Variants in DLGAP2 observed in about 807,000 individuals in gnomAD.
The protein encoded by DLGAP2 is DLG associated protein 2, also known as disks large-associated protein 2.
A neutral mutation model predicts 100.3 loss-of-function variants in DLGAP2; 26 were observed. The ratio of observed to expected loss-of-function variants is 0.26; its 90% CI spans 0.19 to 0.36. The LOEUF (loss-of-function observed/expected upper bound fraction) is 0.36. Among genes scored for constraint, DLGAP2 ranks in the 10% least tolerant of loss-of-function variants. The probability of loss-of-function intolerance (pLI) is 1.00; values close to 1 mark genes in which losing one functional copy is unlikely to be tolerated. For synonymous variants in DLGAP2, 886 were observed against 630.1 expected (o/e 1.41, Z -6.08); for missense variants, 1,858 against 1,453.2 (o/e 1.28, Z -4.53).
intron 3 of DLGAP2, among the ~76,000 whole-genome samples, chr8:1,323,769 C>G (rs939254319): frequency 1.3e-5 from 2 of 152,182 alleles, no homozygotes; most frequent in Non-Finnish European, 2.9e-5. Context: ...CCCAGGACAC[C>G]TTTTTATTTG....
At chr8:1,207,661 T>G (rs982132943) in intron 2 of DLGAP2, among the ~76,000 whole-genome samples, 8 of 152,242 alleles carry the variant, frequency 5.3e-5, no homozygotes, top group African/African-American at 1.9e-4. Context: ...CCGTAGTGGT[T>G]GTACTAGTTT....
intron 3 of DLGAP2, among the ~76,000 whole-genome samples, chr8:1,288,291 CGT>C (rs1227814634): frequency 1.4e-4 from 9 of 63,748 alleles, no homozygotes; most frequent in South Asian, 6.9e-4. Context: ...TTTGGTTCAG[CGT>C]GTGTGTGTGT....
intron 2 of DLGAP2, among the ~76,000 whole-genome samples, chr8:1,029,487 G>C (rs536015123): frequency 6.6e-6 from 1 of 152,222 alleles, no homozygotes; most frequent in South Asian, 2.1e-4. Flanking sequence ...GAGAGGTTCT[G>C]GGGGGATGGC....
intron 2 of DLGAP2, among the ~76,000 whole-genome samples, chr8:1,039,475 G>A (rs576963706): frequency 2.6e-4 from 38 of 145,138 alleles, no homozygotes; most frequent in African/African-American, 8.2e-4. Flanking sequence ...TGTTCAGCTC[G>A]GTTTCCGTGG....
chr8:1,121,516 A>G (rs1796047445), intron 2 of DLGAP2, among the ~76,000 whole-genome samples: 1 of 150,720 alleles, frequency 6.6e-6, no homozygotes, highest in South Asian at 2.1e-4. Context: ...TCCAGAATCC[A>G]TTACCACCTA....
chr8:937,092 C>T (rs1234022609), intron 2 of DLGAP2, among the ~76,000 whole-genome samples: 2 of 152,134 alleles, frequency 1.3e-5, no homozygotes, highest in Non-Finnish European at 2.9e-5. Flanking sequence ...CATGTGGTGC[C>T]CTTCAGCCAT....
intron 1 of DLGAP2, among the ~76,000 whole-genome samples, chr8:884,436 T>C (rs1196271323): frequency 6.6e-6 from 1 of 152,218 alleles, no homozygotes; most frequent in Non-Finnish European, 1.5e-5. Context: ...GTAAATGTCT[T>C]CTTTTGAGAA....
At chr8:900,400 T>G (rs560972704) in intron 1 of DLGAP2, among the ~76,000 whole-genome samples, 7 of 152,310 alleles carry the variant, frequency 4.6e-5, no homozygotes, top group Non-Finnish European at 1.0e-4. Flanking sequence ...CGCCCTCCTC[T>G]TCACGGTGTT....
At chr8:1,074,262 G>A (rs1486751395) in intron 2 of DLGAP2, among the ~76,000 whole-genome samples, 2 of 150,700 alleles carry the variant, frequency 1.3e-5, no homozygotes, top group Non-Finnish European at 2.9e-5. Flanking sequence ...GTTTGCAGCA[G>A]ACTGAGGCTG....
intron 2 of DLGAP2, among the ~76,000 whole-genome samples, chr8:971,146 C>G (rs1466554140): frequency 6.6e-6 from 1 of 152,092 alleles, no homozygotes; most frequent in Non-Finnish European, 1.5e-5. Context: ...TTCGAGGACA[C>G]CATCCGGAAA....
chr8:1,366,779 G>A (rs895166224), intron 3 of DLGAP2, among the ~76,000 whole-genome samples: 4 of 152,314 alleles, frequency 2.6e-5, no homozygotes, highest in East Asian at 1.9e-4. Flanking sequence ...TCGGGTCCCC[G>A]CAGCACGTTT....
chr8:1,426,759 A>C (rs1305680756), intron 3 of DLGAP2, among the ~76,000 whole-genome samples: 1 of 152,234 alleles, frequency 6.6e-6, no homozygotes, highest in Non-Finnish European at 1.5e-5. Context: ...TATGGCTTCC[A>C]CGTCTTGAAG....
At chr8:954,493 T>G (rs1469186676) in intron 2 of DLGAP2, among the ~76,000 whole-genome samples, 3 of 152,142 alleles carry the variant, frequency 2.0e-5, no homozygotes, top group African/African-American at 7.2e-5. Flanking sequence ...AATGTATAAA[T>G]TGTGTTGTAT....
At chr8:1,388,253 G>A (rs35242411) in intron 3 of DLGAP2, among the ~76,000 whole-genome samples, 2 of 125,062 alleles carry the variant, frequency 1.6e-5, no homozygotes, top group African/African-American at 6.3e-5. Flanking sequence ...AGAGGCAGAG[G>A]CCGTGGATGA....
chr8:873,099 A>G (rs1797628934), intron 1 of DLGAP2, among the ~76,000 whole-genome samples: 1 of 152,190 alleles, frequency 6.6e-6, no homozygotes. Flanking sequence ...CATACTTTAA[A>G]TCATCTCTAG....
intron 2 of DLGAP2, among the ~76,000 whole-genome samples, chr8:1,125,565 C>T (rs1379351700): frequency 1.3e-5 from 2 of 152,180 alleles, no homozygotes; most frequent in African/African-American, 2.4e-5. Flanking sequence ...GGGGCTATTT[C>T]TTCTTGCGAT....
Position 1,367,239 on chromosome 8 carries a change from C to T in DLGAP2, c.106+108356C>T, listed in dbSNP as rs115019438. ...AATTTTGACCATAGCCTGGTGACTT[C>T]CTAGGAGTCACCATAGGTGACATAA... On this transcript the variant is annotated intron_variant, in intron 3 of 14. Transcript: ENST00000637795. 4.2e-3 allele frequency among the ~76,000 whole-genome samples: 643 copies of T among 152,300 alleles called. 3 individuals carry two copies. The highest frequency in any genetic ancestry group is 0.015 in the African/African-American group (613 of 41,554).
chr8:861,906 C>G (rs1411028825), intron 1 of DLGAP2, among the ~76,000 whole-genome samples: 2 of 152,086 alleles, frequency 1.3e-5, no homozygotes, highest in Non-Finnish European at 2.9e-5. Context: ...TTGTAGGGCT[C>G]AGTATAAGTA....
At chr8:1,078,101 C>T (rs950782126) in intron 2 of DLGAP2, among the ~76,000 whole-genome samples, 1 of 152,230 alleles carries the variant, frequency 6.6e-6, no homozygotes, top group African/African-American at 2.4e-5. Flanking sequence ...TCCTAAATTT[C>T]GAGATGGGAG....
Sources: gnomAD v4.1 joint callset for allele counts (sites outside exome capture counted in the v4.1 genomes callset) on GRCh38, gnomAD v4.1.1 for gene constraint, MANE v1.5 for transcripts, NCBI Gene and HGNC (gene_info 2026-07-23, HGNC 2026-07-21) for gene names.